Variants in TM9SF3 observed in about 807,000 individuals in gnomAD.
The protein encoded by TM9SF3 is SM-11044-binding protein.
TM9SF3 carries 14 observed loss-of-function variants against 78.6 expected under a neutral mutation model. That is an observed-to-expected ratio of 0.18 (90% confidence interval 0.12 to 0.28). TM9SF3 has a LOEUF of 0.28. Among genes scored for constraint, TM9SF3 ranks in the 10% least tolerant of loss-of-function variants. The pLI is 1.00. For missense variants in TM9SF3, 496 were observed against 721.9 expected (o/e 0.69, Z 3.59); for synonymous variants, 231 against 241.7 (o/e 0.96, Z 0.41).
Position 96,518,919 on chromosome 10 carries a change from T to C in TM9SF3, c.*3344A>G, listed in dbSNP as rs1209221176. ...GAATACTTGTGTTTTAATACATCACTACTCCTATTTATTACATGTTCCAAT... is the reference window on the plus strand; with the variant it reads ...GAATACTTGTGTTTTAATACATCACCACTCCTATTTATTACATGTTCCAAT... On this transcript the variant is annotated 3_prime_UTR_variant, in exon 15 of 15. Coordinates refer to ENST00000371142, the MANE Select transcript of TM9SF3 (RefSeq NM_020123.4). 2 of 152,108 alleles carry C rather than the reference T, an allele frequency of 1.3e-5. No individual in the cohort carries two copies. The highest frequency in any genetic ancestry group is 2.9e-5 in the Non-Finnish European group (2 of 67,948). The allele number at this position is 152,108 out of a possible 1,614,324, so 9.4% of individuals were successfully genotyped here. A position where few individuals can be genotyped will look rare whatever the true frequency, so the allele number is the denominator to read the frequency against.
intron 5 of TM9SF3, among the ~76,000 whole-genome samples, chr10:96,557,991 C>T (rs945699532): frequency 6.6e-6 from 1 of 152,140 alleles, no homozygotes; most frequent in African/African-American, 2.4e-5. Flanking sequence ...TCTAATGTAT[C>T]CTACTTACCT....
Position 96,518,168 on chromosome 10 carries a change from G to C in TM9SF3, c.*4095C>G, listed in dbSNP as rs1847717400. 1 of 152,072 alleles carries C rather than the reference G, an allele frequency of 6.6e-6. No individual in the cohort carries two copies. The highest frequency in any genetic ancestry group is 1.5e-5 in the Non-Finnish European group (1 of 67,990). 9.4% of individuals were successfully genotyped at this position (152,072 alleles called of 1,614,324 possible). A position where few individuals can be genotyped will look rare whatever the true frequency, so the allele number is the denominator to read the frequency against. ...AAATTCAGATAAATTAACACACTAGGTTAGAACCTCAATTGTATTTGATAC... is the reference window on the plus strand; with the variant it reads ...AAATTCAGATAAATTAACACACTAGCTTAGAACCTCAATTGTATTTGATAC... On this transcript the variant is annotated 3_prime_UTR_variant, in exon 15 of 15. Coordinates refer to ENST00000371142, the MANE Select transcript of TM9SF3 (RefSeq NM_020123.4).
chr10:96,530,474 CCT>C (rs2134130979), intron 11 of TM9SF3, 64 bp downstream of exon 11: 1 of 1,308,534 alleles, frequency 7.6e-7, no homozygotes, highest in South Asian at 1.3e-5. Flanking sequence ...TTACATGTTC[CCT>C]AACTCCTAAA....
intron 1 of TM9SF3, 115 bp from the exon 2 acceptor site, chr10:96,576,944 AAAAT>A: frequency 1.3e-6 from 1 of 747,472 alleles, no homozygotes; most frequent in South Asian, 3.4e-5. Flanking sequence ...AGGAAGCTAT[AAAAT>A]AAATACTGGA....
chr10:96,526,573 AG>A (rs1296064430), intron 14 of TM9SF3, among the ~76,000 whole-genome samples: 2 of 152,140 alleles, frequency 1.3e-5, no homozygotes, highest in Non-Finnish European at 2.9e-5. Context: ...TCCTTTTAAT[AG>A]ATGATTATGA....
chr10:96,552,814 T>C, intron 6 of TM9SF3, 114 bp downstream of exon 6: 1 of 1,055,174 alleles, frequency 9.5e-7, no homozygotes, highest in Non-Finnish European at 1.2e-6. Flanking sequence ...CTAAAAATCC[T>C]GAATTGTGGA....
chr10:96,572,029 G>T (rs1359012134), intron 2 of TM9SF3, among the ~76,000 whole-genome samples: 1 of 152,166 alleles, frequency 6.6e-6, no homozygotes, highest in African/African-American at 2.4e-5. Flanking sequence ...TAACAGCTAA[G>T]GGTGCAATGG....
At chr10:96,584,034 CA>C (rs1848603226) in intron 1 of TM9SF3, among the ~76,000 whole-genome samples, 1 of 150,188 alleles carries the variant, frequency 6.7e-6, no homozygotes, top group Non-Finnish European at 1.5e-5. Flanking sequence ...AACTATGCCT[CA>C]AAAAAACAAA....
chr10:96,537,359 T>C (rs1847971321), intron 9 of TM9SF3, among the ~76,000 whole-genome samples: 1 of 152,222 alleles, frequency 6.6e-6, no homozygotes, highest in Admixed American at 6.5e-5. Flanking sequence ...GTCTGTAGCC[T>C]TGTAAGATTA....
At chr10:96,541,367 T>C (rs959740977) in intron 9 of TM9SF3, among the ~76,000 whole-genome samples, 10 of 152,042 alleles carry the variant, frequency 6.6e-5, no homozygotes, top group Non-Finnish European at 1.2e-4. Context: ...CTTTCCAGAA[T>C]CAATCTAATT....
intron 4 of TM9SF3, chr10:96,560,150 G>A: frequency 1.3e-6 from 1 of 755,274 alleles, no homozygotes; most frequent in Non-Finnish European, 2.4e-6. Flanking sequence ...ATCTCCGTCT[G>A]CCTTCTTTCC....
chr10:96,541,825 C>A (rs1265062500), intron 9 of TM9SF3, among the ~76,000 whole-genome samples: 1 of 152,194 alleles, frequency 6.6e-6, no homozygotes, highest in Non-Finnish European at 1.5e-5. Context: ...GACTCTGATT[C>A]TCAAATTAAG....
chr10:96,563,281 G>C (rs1848331337), intron 3 of TM9SF3, among the ~76,000 whole-genome samples: 2 of 152,014 alleles, frequency 1.3e-5, no homozygotes. Context: ...TCGTTATGTT[G>C]CCCAGTCTGT....
chr10:96,549,516 G>A (rs1430649118), intron 7 of TM9SF3, among the ~76,000 whole-genome samples: 1 of 152,112 alleles, frequency 6.6e-6, no homozygotes, highest in South Asian at 2.1e-4. Flanking sequence ...CTGTAGAATG[G>A]AAATAGAATA....
chr10:96,586,931 CCACGGGGCGCGGACAGACG>C lies in TM9SF3; in HGVS notation c.-115_-97del. The C allele has an allele frequency of 2.0e-6, 2 of 1,015,164 alleles. No homozygotes were observed. Among genetic ancestry groups the C allele is most frequent in the Non-Finnish European group, 2.4e-6 (2 of 817,598 alleles). 62.9% of individuals were successfully genotyped at this position (1,015,164 alleles called of 1,614,324 possible). ...CGCCTCCGCCGCGGCCGATTCGCAT[CCACGGGGCGCGGACAGACG>C]CACGGGGCCCGGCCCAGCCGCTGCC... On this transcript the variant is annotated 5_prime_UTR_variant, in exon 1 of 15. Transcript: ENST00000371142.
At chr10:96,564,563 C>T (rs757334037) in intron 3 of TM9SF3, among the ~76,000 whole-genome samples, 1 of 152,180 alleles carries the variant, frequency 6.6e-6, no homozygotes, top group Non-Finnish European at 1.5e-5. Context: ...ATATTAAATG[C>T]TGATCTGATA....
At chr10:96,523,867 C>T (rs1847809279) in intron 14 of TM9SF3, among the ~76,000 whole-genome samples, 1 of 151,768 alleles carries the variant, frequency 6.6e-6, no homozygotes, top group Non-Finnish European at 1.5e-5. Context: ...TAATTGATCT[C>T]AAAGCAAACA....
intron 8 of TM9SF3, among the ~76,000 whole-genome samples, chr10:96,544,715 G>A (rs1848076650): frequency 6.6e-6 from 1 of 151,884 alleles, no homozygotes; most frequent in Non-Finnish European, 1.5e-5. Flanking sequence ...CATTTGAAAA[G>A]CAGGTTATAC....
intron 14 of TM9SF3, among the ~76,000 whole-genome samples, chr10:96,526,812 T>G (rs1031020397): frequency 5.2e-4 from 79 of 152,122 alleles, no homozygotes; most frequent in African/African-American, 1.9e-3. Flanking sequence ...AGGCAACACC[T>G]TAACATGCCT....
Sources: allele counts gnomAD v4.1 joint callset (sites outside exome capture counted in the v4.1 genomes callset), GRCh38; gene constraint gnomAD v4.1.1; transcripts MANE v1.5; gene names NCBI Gene and HGNC (gene_info 2026-07-23, HGNC 2026-07-21).